The following RIMBP2 variants were observed in gnomAD, a reference collection of about 807,000 sequenced individuals.
RIMBP2 encodes RIMS binding protein 2.
A neutral mutation model predicts 118.6 loss-of-function variants in RIMBP2; 48 were observed. That is an observed-to-expected ratio of 0.40 (90% CI 0.32 to 0.51). The LOEUF (loss-of-function observed/expected upper bound fraction) is 0.51. Among genes scored for constraint, RIMBP2 ranks in the 20% least tolerant of loss-of-function variants. The pLI is 0.41. For missense variants in RIMBP2, 1,551 were observed against 1,768.3 expected, an observed-to-expected ratio of 0.88 and a Z score of 2.20; for synonymous variants, 762 against 742.9, an observed-to-expected ratio of 1.03 and a Z score of -0.42.
chr12:130,613,052 T>C (rs1240260552), intron 2 of RIMBP2, among the ~76,000 whole-genome samples: 1 of 152,172 alleles, frequency 6.6e-6, no homozygotes, highest in Non-Finnish European at 1.5e-5. Context: ...TTCCTTGATA[T>C]ACATTTCCCA....
intron 1 of RIMBP2, among the ~76,000 whole-genome samples, chr12:130,680,428 G>A (rs927560355): frequency 5.2e-4 from 79 of 152,322 alleles, no homozygotes; most frequent in African/African-American, 1.7e-3. Flanking sequence ...GTTGTTCAGT[G>A]AGAAAAGCAG....
At chr12:130,500,779 G>A (rs2049685634) in intron 4 of RIMBP2, among the ~76,000 whole-genome samples, 1 of 152,142 alleles carries the variant, frequency 6.6e-6, no homozygotes, top group Non-Finnish European at 1.5e-5. Context: ...TTAGGACATG[G>A]AAGACACAAG....
rs750362400 is a variant in RIMBP2 at position 130,437,180 on chromosome 12, A to T, written c.1768T>A (p.Ser590Thr). Residue 590 changes from serine to threonine, a missense_variant, in exon 13 of 23, where the codon TCC becomes ACC. Transcript: ENST00000690449. ...TVRTLSAQGE[S>T]VDSAVAAVPP... ...ACGGCAGCAACTGCAGAGTCCACGG[A>T]CTCGCCCTGGGCGGAGAGGGTCCGC... 1 of 1,587,354 alleles carries T rather than the reference A, an allele frequency of 6.3e-7. No homozygotes were observed. The highest frequency in any genetic ancestry group is 1.1e-5 in the South Asian group (1 of 87,752).
chr12:130,711,959 T>C (rs899224024), intron 1 of RIMBP2, among the ~76,000 whole-genome samples: 11 of 152,246 alleles, frequency 7.2e-5, no homozygotes, highest in African/African-American at 2.4e-4. Context: ...TACTGAGTAC[T>C]GTAGGCCACT....
chr12:130,687,958 G>A (rs973486162), intron 1 of RIMBP2, among the ~76,000 whole-genome samples: 19 of 152,158 alleles, frequency 1.2e-4, no homozygotes, highest in Non-Finnish European at 1.9e-4. Context: ...AGCAATCTGC[G>A]ATTTTAGAAA....
chr12:130,480,061 A>G (rs1458225666), intron 4 of RIMBP2, among the ~76,000 whole-genome samples: 4 of 151,958 alleles, frequency 2.6e-5, no homozygotes, highest in African/African-American at 4.8e-5. Flanking sequence ...GACATTGGGT[A>G]GAAATGGCCA....
chr12:130,645,457 G>T (rs563234637), intron 1 of RIMBP2, among the ~76,000 whole-genome samples: 41 of 152,284 alleles, frequency 2.7e-4, no homozygotes, highest in South Asian at 6.2e-4. Context: ...CTCTTCCCCA[G>T]CACTGGCTGG....
intron 2 of RIMBP2, among the ~76,000 whole-genome samples, chr12:130,572,084 G>C (rs1379555719): frequency 2.0e-5 from 3 of 152,228 alleles, no homozygotes; most frequent in Non-Finnish European, 2.9e-5. Context: ...GGTGCTCTGA[G>C]AGCAGACTCA....
intron 2 of RIMBP2, among the ~76,000 whole-genome samples, chr12:130,594,933 C>T (rs896950150): frequency 6.6e-6 from 1 of 152,184 alleles, no homozygotes; most frequent in Non-Finnish European, 1.5e-5. Flanking sequence ...TACAATGAAA[C>T]ACAGCAATGG....
At chr12:130,484,352 G>A (rs1023343213) in intron 4 of RIMBP2, among the ~76,000 whole-genome samples, 8 of 152,190 alleles carry the variant, frequency 5.3e-5, no homozygotes, top group South Asian at 4.1e-4. Context: ...ACCTTCACAC[G>A]TGTTGCTCTC....
chr12:130,508,594 G>A (rs2050592244), intron 3 of RIMBP2, among the ~76,000 whole-genome samples: 1 of 151,830 alleles, frequency 6.6e-6, no homozygotes, highest in African/African-American at 2.4e-5. Context: ...CGAAACCCTT[G>A]CCTTCACCCC....
chr12:130,415,681 G>A (rs1357285288), intron 17 of RIMBP2, among the ~76,000 whole-genome samples: 1 of 151,356 alleles, frequency 6.6e-6, no homozygotes, highest in Non-Finnish European at 1.5e-5. Context: ...CTGATGACAA[G>A]GCATCCATAT....
At chr12:130,662,089 C>G (rs1400619546) in intron 1 of RIMBP2, among the ~76,000 whole-genome samples, 1 of 152,180 alleles carries the variant, frequency 6.6e-6, no homozygotes, top group African/African-American at 2.4e-5. Context: ...GTCACACGGA[C>G]TCCATTGCCC....
At chr12:130,646,430 TCCACCTCCCTTGC>T (rs1313648348) in intron 1 of RIMBP2, among the ~76,000 whole-genome samples, 209 of 5,982 alleles carry the variant, frequency 0.035, 80 homozygotes, top group Non-Finnish European at 0.04. Flanking sequence ...CACTTCCCTC[TCCACCTCCCTTGC>T]CACCTCCCTC....
In RIMBP2 at chr12:130,688,477, C is replaced by T. The variant is rs2065162672; in HGVS notation, c.-352+27745G>A. Among the ~76,000 whole-genome samples, 1 of 152,184 alleles carries T rather than the reference C, an allele frequency of 6.6e-6. No homozygotes were observed. The highest frequency in any genetic ancestry group is 2.1e-4 in the South Asian group (1 of 4,826). On this transcript the variant is annotated intron_variant, in intron 1 of 22. Coordinates refer to ENST00000690449, the MANE Select transcript of RIMBP2 (RefSeq NM_001393629.1). The surrounding 1 kb of genome is among the most constrained non-coding windows in gnomAD (Gnocchi z 4.7). Reference sequence around the variant, plus strand: ...AAGTAATTGACATTGAGTGAACATACACACCACTGTCCCTCCGTGGGGGCG... The same window carrying T: ...AAGTAATTGACATTGAGTGAACATATACACCACTGTCCCTCCGTGGGGGCG...
chr12:130,471,258 T>C (rs2080978184), intron 5 of RIMBP2, among the ~76,000 whole-genome samples: 1 of 152,148 alleles, frequency 6.6e-6, no homozygotes, highest in South Asian at 2.1e-4. Context: ...ACAGAATAAC[T>C]TCACATGTTT....
At position 130,475,624 on chromosome 12, in the gene RIMBP2, C is replaced by T. The variant is rs141187328; in HGVS notation, c.102+3288G>A. Among the ~76,000 whole-genome samples the T allele has an allele frequency of 2.4e-3, 362 of 152,062 alleles. 4 individuals carry two copies. Among genetic ancestry groups the T allele is most frequent in the African/African-American group, 8.0e-3 (330 of 41,462 alleles). ...GCCAGGGGCTCCAGGCGGGCGTCTC[C>T]AAGGGGAAAATGGAATCAGAAGCCC... On this transcript the variant is annotated intron_variant, in intron 5 of 22. Transcript: ENST00000690449. The surrounding 1 kb of genome is among the most constrained non-coding windows in gnomAD (Gnocchi z 4.1).
chr12:130,664,415 A>ACGCACGCACACACACACACGCACG (rs1195044326), intron 1 of RIMBP2, among the ~76,000 whole-genome samples: 3 of 130,496 alleles, frequency 2.3e-5, no homozygotes, highest in Non-Finnish European at 3.4e-5. Flanking sequence ...ACGCACGCAC[A>ACGCACGCACACACACACACGCACG]CACACGCACA....
intron 4 of RIMBP2, among the ~76,000 whole-genome samples, chr12:130,480,347 G>C (rs955321311): frequency 1.3e-5 from 2 of 152,156 alleles, no homozygotes; most frequent in African/African-American, 4.8e-5. Flanking sequence ...AAAGGACTGA[G>C]AAGGGAGTGG....
Sources: allele counts gnomAD v4.1 joint callset (sites outside exome capture counted in the v4.1 genomes callset), GRCh38; gene constraint gnomAD v4.1.1; non-coding constraint Gnocchi (gnomAD v3.1); transcripts MANE v1.5; gene names NCBI Gene and HGNC (gene_info 2026-07-23, HGNC 2026-07-21).